The following NTN1 variants were observed in gnomAD, a reference collection of about 807,000 sequenced individuals.
NTN1 encodes netrin 1, also known as netrin-1.
In NTN1, 11 loss-of-function variants were observed where a neutral mutation model predicts 54.2. The observed-to-expected ratio is 0.20, with a 90% CI of 0.13 to 0.34. NTN1 has a LOEUF of 0.34. Among genes scored for constraint, NTN1 ranks in the 10% least tolerant of loss-of-function variants. The pLI, the probability that NTN1 is intolerant of heterozygous loss-of-function variation, is 1.00. For synonymous variants in NTN1, 371 were observed against 382.0 expected (o/e 0.97, Z 0.33); for missense variants, 740 against 893.1 (o/e 0.83, Z 2.18).
At position 9,239,849 on chromosome 17, in the gene NTN1, G is replaced by C; in HGVS notation, c.1696G>C (p.Asp566His). The C allele has an allele frequency of 6.2e-7, 1 of 1,612,894 alleles. No individual in the cohort carries two copies. The highest frequency in any genetic ancestry group is 8.5e-7 in the Non-Finnish European group (1 of 1,179,842). The change falls in exon 7 of 7, where the codon GAC becomes CAC. Residue 566 changes from aspartate to histidine, a missense_variant. Physicochemically the swap from Asp to His is moderately conservative, Grantham distance 81 (BLOSUM62 -1). Coordinates refer to ENST00000173229, the MANE Select transcript of NTN1 (RefSeq NM_004822.3). The surrounding 1 kb of genome is among the most constrained non-coding windows in gnomAD (Gnocchi z 5.2). ...LLLGNAEDSP[D>H]QSGIVADKSS... is the part of the protein sequence containing the mutation. ...GCTGGGCAACGCGGAGGACTCTCCG[G>C]ACCAGAGCGGCATCGTGGCCGATAA...
chr17:9,047,947 C>T (rs1213624387), intron 2 of NTN1, among the ~76,000 whole-genome samples: 2 of 152,084 alleles, frequency 1.3e-5, no homozygotes, highest in East Asian at 1.9e-4. Flanking sequence ...CCACCCGCCT[C>T]GGCCTCCCAA....
At chr17:9,100,180 ATGTGTG>A (rs34147210) in intron 2 of NTN1, among the ~76,000 whole-genome samples, 79,716 of 150,880 alleles carry the variant, frequency 0.53, 21,706 homozygotes, top group East Asian at 0.95. Context: ...CTATGTGTAT[ATGTGTG>A]TATATATATA....
chr17:9,155,821 A>C (rs1300158720), intron 2 of NTN1, among the ~76,000 whole-genome samples: 1 of 152,146 alleles, frequency 6.6e-6, no homozygotes, highest in Non-Finnish European at 1.5e-5. Context: ...TGTCCTGTGC[A>C]TTGTAGGAAG....
At chr17:9,201,295 C>T (rs1195947124) in intron 5 of NTN1, among the ~76,000 whole-genome samples, 2 of 152,158 alleles carry the variant, frequency 1.3e-5, no homozygotes, top group Non-Finnish European at 2.9e-5. Context: ...CTGTGCTCTC[C>T]TCCTGGGCTT....
chr17:9,153,156 C>A (rs1461601122), intron 2 of NTN1, among the ~76,000 whole-genome samples: 2 of 152,142 alleles, frequency 1.3e-5, no homozygotes, highest in Non-Finnish European at 2.9e-5. Flanking sequence ...GTAATCCCAG[C>A]TACTCGGGAG....
rs1291842545 is a variant in NTN1, at chr17:9,135,988, T to C, written c.1019-26825T>C. 2.0e-5 allele frequency among the ~76,000 whole-genome samples: 3 copies of C among 152,138 alleles called. No homozygotes were observed. The highest frequency in any genetic ancestry group is 4.4e-5 in the Non-Finnish European group (3 of 68,038). On this transcript the variant is annotated intron_variant, in intron 2 of 6. Transcript: ENST00000173229. The surrounding 1 kb of genome is among the most constrained non-coding windows in gnomAD (Gnocchi z 4.4). ...CGTGCCTACTCAAACTCGACACCCA[T>C]CCTCCTCACTCCCGCCTGGGAAGCT... is the stretch of plus-strand genomic sequence containing the variant.
chr17:9,228,858 G>A (rs973515406), intron 6 of NTN1, among the ~76,000 whole-genome samples: 1 of 58,538 alleles, frequency 1.7e-5, no homozygotes, highest in Non-Finnish European at 3.2e-5. Context: ...GTGTGACTGT[G>A]TATGAGAGTG....
chr17:9,030,196 GC>G (rs1382419247), intron 2 of NTN1, among the ~76,000 whole-genome samples: 1 of 152,026 alleles, frequency 6.6e-6, no homozygotes, highest in African/African-American at 2.4e-5. Flanking sequence ...TTAAGTTCCT[GC>G]CCCAAGCACA....
At chr17:9,170,861 GAC>G (rs35971543) in intron 3 of NTN1, among the ~76,000 whole-genome samples, 37,994 of 150,356 alleles carry the variant, frequency 0.25, 5,465 homozygotes, top group East Asian at 0.5. Context: ...AAGCTCTTGT[GAC>G]ACACACACAC....
chr17:9,070,900 C>T (rs1034801119), intron 2 of NTN1, among the ~76,000 whole-genome samples: 10 of 152,080 alleles, frequency 6.6e-5, no homozygotes, highest in Non-Finnish European at 2.9e-5. Context: ...TCCTGGAGCT[C>T]ACTTTTAAGC....
chr17:9,211,830 G>A lies in NTN1; in HGVS notation c.1412-9338G>A, dbSNP rs1905114981. 6.6e-6 allele frequency among the ~76,000 whole-genome samples: 1 copy of A among 152,100 alleles called. No individual in the cohort carries two copies. The highest frequency in any genetic ancestry group is 6.5e-5 in the Admixed American group (1 of 15,268). On this transcript the variant is annotated intron_variant, in intron 5 of 6. Transcript: ENST00000173229. This position sits in a 1 kb window ranked among gnomAD's most constrained non-coding sequence, Gnocchi z 4.4. ...TTGTTCCCTTTTTATTTCCTCTTTT[G>A]TGAATGGCCTGTTCCTTCCCTTTGA... is the stretch of plus-strand genomic sequence containing the variant.
chr17:9,186,563 C>T (rs62068202), intron 5 of NTN1, among the ~76,000 whole-genome samples: 7,713 of 152,290 alleles, frequency 0.051, 259 homozygotes, highest in Non-Finnish European at 0.078. Flanking sequence ...GGCTAACTGC[C>T]CCAGCAGCCC....
rs1401307559 is a variant in NTN1 at position 9,023,141 on chromosome 17, G to A, written c.768G>A (p.Thr256=). Residue 256 remains threonine, a synonymous_variant, in exon 2 of 7, where the codon ACG becomes ACA. Coordinates refer to ENST00000173229, the MANE Select transcript of NTN1 (RefSeq NM_004822.3). ...GCGTGGCCTTCAGCCGCCTGCACAC[G>A]TTCGGCGACGAGAACGAGGACGACT... is the stretch of plus-strand genomic sequence containing the variant. ...DIRVAFSRLH[T]FGDENEDDSE... is the part of the protein sequence containing the mutation. The A allele has an allele frequency of 1.9e-6, 3 of 1,564,090 alleles. No individual in the cohort carries two copies. Among genetic ancestry groups the A allele is most frequent in the Non-Finnish European group, 2.6e-6 (3 of 1,153,352 alleles).
chr17:9,118,709 AT>A (rs2092222821), intron 2 of NTN1, among the ~76,000 whole-genome samples: 1 of 151,792 alleles, frequency 6.6e-6, no homozygotes, highest in African/African-American at 2.4e-5. Flanking sequence ...GGATTTGCCT[AT>A]TTTAGGCATT....
At chr17:9,122,224 CGG>C (rs2092233826) in intron 2 of NTN1, among the ~76,000 whole-genome samples, 1 of 151,898 alleles carries the variant, frequency 6.6e-6, no homozygotes. Flanking sequence ...TGTTTAAAGA[CGG>C]GGTTTCACCG....
chr17:9,223,905 G>T (rs1418966014), intron 6 of NTN1, among the ~76,000 whole-genome samples: 1 of 152,202 alleles, frequency 6.6e-6, no homozygotes, highest in Non-Finnish European at 1.5e-5. Context: ...GAGGGGAAGG[G>T]AGAGGAATAG....
rs76975076 is a variant in NTN1, at chr17:9,123,086, A to C, written c.1019-39727A>C. 3.1e-3 allele frequency among the ~76,000 whole-genome samples: 466 copies of C among 152,304 alleles called. 23 individuals are homozygous for C. The East Asian group carries it at 0.079, about 26-fold the overall frequency. ...ATGTGCAACTGTACATCTTCAAGGAATAAGCACATGTTTAAGACTTTTGAC... is the reference window on the plus strand; with the variant it reads ...ATGTGCAACTGTACATCTTCAAGGACTAAGCACATGTTTAAGACTTTTGAC... On this transcript the variant is annotated intron_variant, in intron 2 of 6. Coordinates refer to ENST00000173229, the MANE Select transcript of NTN1 (RefSeq NM_004822.3).
Position 9,110,375 on chromosome 17 carries a change from T to A in NTN1, c.1019-52438T>A, listed in dbSNP as rs539738483. Among the ~76,000 whole-genome samples, 7 of 151,548 alleles carry A rather than the reference T, an allele frequency of 4.6e-5. 1 individual carries two copies. The South Asian group carries it at 1.5e-3, about 32-fold the overall frequency. On this transcript the variant is annotated intron_variant, in intron 2 of 6. Coordinates refer to ENST00000173229, the MANE Select transcript of NTN1 (RefSeq NM_004822.3). ...ACCTCTGCCTCCCAGGTTTAAACAATTCTCCTGCCTCAGCCTCCTGAGTAG... is the reference window on the plus strand; with the variant it reads ...ACCTCTGCCTCCCAGGTTTAAACAAATCTCCTGCCTCAGCCTCCTGAGTAG...
In NTN1 at chr17:9,060,562, C is replaced by T. The variant is rs574267387; in HGVS notation, c.1018+37171C>T. Among the ~76,000 whole-genome samples, 10 of 152,230 alleles carry T rather than the reference C, an allele frequency of 6.6e-5. No homozygotes were observed. In the South Asian group the frequency reaches 8.3e-4, roughly 13 times the overall value. On this transcript the variant is annotated intron_variant, in intron 2 of 6. Coordinates refer to ENST00000173229, the MANE Select transcript of NTN1 (RefSeq NM_004822.3). ...ACAGAAGATAACCAGCAGTTGAGGA[C>T]GGCCATGGTAACTGTCAAATGAATG...
Sources: allele counts gnomAD v4.1 joint callset (sites outside exome capture counted in the v4.1 genomes callset), GRCh38; gene constraint gnomAD v4.1.1; non-coding constraint Gnocchi (gnomAD v3.1); transcripts MANE v1.5; gene names NCBI Gene and HGNC (gene_info 2026-07-23, HGNC 2026-07-21).